Variants in ABCA3 observed in about 807,000 individuals in gnomAD.
ABCA3 encodes the protein ATP binding cassette subfamily A member 3, also known as phospholipid-transporting ATPase ABCA3.
In ABCA3, 88 loss-of-function variants were observed where a neutral mutation model predicts 172.8. The observed-to-expected ratio is 0.51, with a 90% CI of 0.43 to 0.61. The LOEUF (loss-of-function observed/expected upper bound fraction) is 0.61. ABCA3 is among the 20% of genes least tolerant of loss of function. The pLI, the probability that ABCA3 is intolerant of heterozygous loss-of-function variation, is 0.00. For missense variants in ABCA3, 2,164 were observed against 2,301.0 expected (o/e 0.94, Z 1.22); for synonymous variants, 1,066 against 983.8 (o/e 1.08, Z -1.56).
chr16:2,319,660 A>C lies in ABCA3; in HGVS notation c.794T>G (p.Leu265Arg). Residue 265 changes from leucine to arginine, a missense_variant, in exon 8 of 33, where the codon CTG (leucine) becomes CGG (arginine). Physicochemically the swap from Leu to Arg is moderately radical, Grantham distance 102. Around this residue, in one of 3 missense-constraint regions of ABCA3, gnomAD observed 1,343 missense variants for 1,369.6 expected, o/e 0.98. Transcript: ENST00000301732. ...FLVAIQYQLP[L>R]LLLLSFTYTA... is the part of the protein sequence containing the mutation. The stretch of plus-strand genomic sequence containing the variant: ...GTAGGTGAAGCTGAGCAGCAGCAGC[A>C]GGGGCAGCTGGTACTGGATGGCCAC... The C allele has an allele frequency of 1.9e-6, 3 of 1,613,874 alleles. No homozygotes were observed. The highest frequency in any genetic ancestry group is 2.5e-6 in the Non-Finnish European group (3 of 1,180,002).
At chr16:2,298,597 G>A (rs1372665270) in intron 14 of ABCA3, 57 bp from the exon 15 acceptor site, 20 of 1,596,140 alleles carry the variant, frequency 1.3e-5, no homozygotes, top group East Asian at 6.7e-5. Flanking sequence ...GTCAGCACCC[G>A]CGGTAATGAC....
At chr16:2,309,906 C>T (rs1213669391) in intron 10 of ABCA3, among the ~76,000 whole-genome samples, 1 of 152,168 alleles carries the variant, frequency 6.6e-6, no homozygotes, top group African/African-American at 2.4e-5. Context: ...AGGTCTGAGC[C>T]ACCGTGCCCA....
At position 2,284,763 on chromosome 16, in the gene ABCA3, G is replaced by A. The variant is rs748024453; in HGVS notation, c.3703+16C>T. On this transcript the variant is annotated intron_variant, in intron 24 of 32. Transcript: ENST00000301732. This position sits in a 1 kb window ranked among gnomAD's most constrained non-coding sequence, Gnocchi z 5.9. The stretch of plus-strand genomic sequence containing the variant: ...TGGATGGCCATGGGGGCTGCGGGTG[G>A]TCTCCAGGTGCCCACCTGGGATGCG... The A allele has an allele frequency of 1.4e-5, 23 of 1,610,980 alleles. No homozygotes were observed. Among genetic ancestry groups the A allele is most frequent in the Non-Finnish European group, 2.0e-5 (23 of 1,178,688 alleles).
Position 2,275,946 on chromosome 16 carries a change from C to T in ABCA3, c.*728G>A. ...ATTCAATGTGTCCTTGAGACAGCCA[C>T]CCAGCCCTTAGGGTGGTCCCTGCGT... On this transcript the variant is annotated 3_prime_UTR_variant, in exon 33 of 33. Coordinates refer to ENST00000301732, the MANE Select transcript of ABCA3 (RefSeq NM_001089.3). The T allele has an allele frequency of 5.0e-6, 1 of 200,856 alleles. No homozygotes were observed. Among genetic ancestry groups the T allele is most frequent in the Non-Finnish European group, 1.0e-5 (1 of 97,318 alleles). 12.4% of individuals were successfully genotyped at this position (200,856 alleles called of 1,614,324 possible). A position where few individuals can be genotyped will look rare whatever the true frequency, so the allele number is the denominator to read the frequency against.
At chr16:2,313,722 T>C (rs2093710314) in intron 10 of ABCA3, among the ~76,000 whole-genome samples, 1 of 151,312 alleles carries the variant, frequency 6.6e-6, no homozygotes, top group African/African-American at 2.4e-5. Flanking sequence ...CTGGACAACA[T>C]GGCAAAACAC....
rs758659830 is a variant in ABCA3 at position 2,308,548 on chromosome 16, T to C, written c.1187A>G (p.Tyr396Cys). 6 of 1,614,082 alleles carry C rather than the reference T, an allele frequency of 3.7e-6. No homozygotes were observed. The Admixed American group carries it at 5.0e-5, about 13-fold the overall frequency. Residue 396 changes from tyrosine to cysteine, a missense_variant, in exon 11 of 33, where the codon TAC becomes TGC. Physicochemically the swap from Tyr to Cys is radical, Grantham distance 194. Transcript: ENST00000301732. ...CTTCTGGCTCAGAGTCATCCAGTTG[T>C]ACCGAGGGGCCACGAAGAAGTAGGG... ...YIPYFFVAPR[Y>C]NWMTLSQKLC...
chr16:2,289,282 G>A (rs534318852), intron 20 of ABCA3, 152 bp downstream of exon 20: 34 of 877,606 alleles, frequency 3.9e-5, no homozygotes, highest in Admixed American at 2.6e-4. Flanking sequence ...CGACCCATGC[G>A]GTGTGAGCCG....
intron 18 of ABCA3, 83 bp from the exon 19 acceptor site, chr16:2,292,321 C>CA: frequency 8.4e-7 from 1 of 1,188,972 alleles, no homozygotes. Context: ...CCCCCTCGGC[C>CA]AGGCACAGTG....
chr16:2,290,003 C>A (rs951857848), intron 19 of ABCA3, among the ~76,000 whole-genome samples: 1 of 99,382 alleles, frequency 1.0e-5, no homozygotes, highest in African/African-American at 4.2e-5. Flanking sequence ...ACACACACAC[C>A]CCTTCCTAGA....
In ABCA3 at chr16:2,299,512, C is replaced by G. The variant is rs1350792157; in HGVS notation, c.1632G>C (p.Lys544Asn). ...HLSKVFRVGN[K>N]DRAAVRDLNL... is the part of the protein sequence containing the mutation. ...TCAGGTCTCTGACGGCCGCCCTGTC[C>G]TTATTTCCCACCCTGAACACCTGCA... Residue 544 changes from lysine (K) to asparagine (N), a missense_variant, in exon 14 of 33, where the codon AAG becomes AAC. By Grantham distance (94) the Lys-to-Asn change is moderately conservative. Around this residue, in one of 3 missense-constraint regions of ABCA3, gnomAD observed 1,343 missense variants for 1,369.6 expected, o/e 0.98. Coordinates refer to ENST00000301732, the MANE Select transcript of ABCA3 (RefSeq NM_001089.3). The G allele has an allele frequency of 2.5e-6, 4 of 1,613,540 alleles. No homozygotes were observed. The Admixed American group carries it at 6.7e-5, about 27-fold the overall frequency.
chr16:2,309,800 T>C (rs2093703599), intron 10 of ABCA3, among the ~76,000 whole-genome samples: 1 of 152,060 alleles, frequency 6.6e-6, no homozygotes, highest in Non-Finnish European at 1.5e-5. Context: ...TTAAATGTTT[T>C]TGTAGAGATG....
At chr16:2,315,573 A>AC (rs2093713927) in intron 10 of ABCA3, among the ~76,000 whole-genome samples, 2 of 96,630 alleles carry the variant, frequency 2.1e-5, no homozygotes, top group Non-Finnish European at 4.7e-5. Context: ...CACAGAGAAG[A>AC]GTGACTCTAA....
rs1239350495 is a variant in ABCA3, at chr16:2,279,348, A to G, written c.4360-218T>C. On this transcript the variant is annotated intron_variant, in intron 28 of 32. Transcript: ENST00000301732. This position sits in a 1 kb window ranked among gnomAD's most constrained non-coding sequence, Gnocchi z 4.4. ...GACACAGGAAGGATGTGCCTGGTGCAGGGAGGCTTCCAGAGCTGCTCTCAG... is the reference window on the plus strand; with the variant it reads ...GACACAGGAAGGATGTGCCTGGTGCGGGGAGGCTTCCAGAGCTGCTCTCAG... Among the ~76,000 whole-genome samples the G allele has an allele frequency of 6.6e-6, 1 of 152,194 alleles. No individual in the cohort carries two copies. Among genetic ancestry groups the G allele is most frequent in the Non-Finnish European group, 1.5e-5 (1 of 68,022 alleles).
chr16:2,334,566 G>C (rs2093748703), intron 1 of ABCA3, among the ~76,000 whole-genome samples: 2 of 149,776 alleles, frequency 1.3e-5, no homozygotes, highest in Non-Finnish European at 3.0e-5. Context: ...TCAGGCTGGA[G>C]TGCAGCCCGA....
Position 2,287,614 on chromosome 16 carries a change from CCT to C in ABCA3, c.3004+410_3004+411del, listed in dbSNP as rs2093665067. On this transcript the variant is annotated intron_variant, in intron 21 of 32. Transcript: ENST00000301732. The surrounding 1 kb of genome is among the most constrained non-coding windows in gnomAD (Gnocchi z 4.1). ...GTTTTAAGATGTTGAAAGAAAACAC[CCT>C]GTCACACGAAGGCACACTGTGGCCA... Among the ~76,000 whole-genome samples the C allele has an allele frequency of 6.6e-6, 1 of 152,160 alleles. No homozygotes were observed. The highest frequency in any genetic ancestry group is 1.5e-5 in the Non-Finnish European group (1 of 68,030).
rs2093692732 is a variant in ABCA3 at position 2,303,503 on chromosome 16, C to T, written c.1467+466G>A. Among the ~76,000 whole-genome samples the T allele has an allele frequency of 2.6e-5, 4 of 152,022 alleles. No homozygotes were observed. In the South Asian group the frequency reaches 8.3e-4, roughly 32 times the overall value. On this transcript the variant is annotated intron_variant, in intron 12 of 32. Coordinates refer to ENST00000301732, the MANE Select transcript of ABCA3 (RefSeq NM_001089.3). ...GCCAGGATGGTCTTGATCTCCTGAC[C>T]TCGTGATCCACCCACCTTGGCCTCC...
intron 28 of ABCA3, 48 bp downstream of exon 28, chr16:2,280,979 C>G: frequency 6.2e-7 from 1 of 1,612,842 alleles, no homozygotes; most frequent in South Asian, 1.1e-5. Flanking sequence ...GGTGCCCCCT[C>G]CAGCCATGCC....
At position 2,311,577 on chromosome 16, in the gene ABCA3, C is replaced by T. The variant is rs1316354669; in HGVS notation, c.1112-2954G>A. 2.0e-5 allele frequency among the ~76,000 whole-genome samples: 3 copies of T among 152,224 alleles called. No homozygotes were observed. The East Asian group carries it at 5.8e-4, about 29-fold the overall frequency. ...TCGCTCTGTCGCCCAGGCTGGAGTGCAGTGGCACGATCTTGGCTCAATGCA... is the reference window on the plus strand; with the variant it reads ...TCGCTCTGTCGCCCAGGCTGGAGTGTAGTGGCACGATCTTGGCTCAATGCA... On this transcript the variant is annotated intron_variant, in intron 10 of 32. Coordinates refer to ENST00000301732, the MANE Select transcript of ABCA3 (RefSeq NM_001089.3).
rs2093712073 is a variant in ABCA3, at chr16:2,314,690, C to T, written c.1111+2593G>A. On this transcript the variant is annotated intron_variant, in intron 10 of 32. Transcript: ENST00000301732. ...CTCCTGGGTTCAAGCAATTCTCCTG[C>T]CTCAACCTCCCAAGAAGCTGGGATT... Among the ~76,000 whole-genome samples, 3 of 152,042 alleles carry T rather than the reference C, an allele frequency of 2.0e-5. No homozygotes were observed. The South Asian group carries it at 6.2e-4, about 32-fold the overall frequency.
Sources: gnomAD v4.1 joint callset for allele counts (sites outside exome capture counted in the v4.1 genomes callset) on GRCh38, gnomAD v4.1.1 for gene constraint, gnomAD v4.1.1 regional missense constraint, Gnocchi (gnomAD v3.1) non-coding constraint, MANE v1.5 for transcripts, NCBI Gene and HGNC (gene_info 2026-07-23, HGNC 2026-07-21) for gene names.